The following CCNB1 variants were observed in gnomAD, a reference collection of about 807,000 sequenced individuals.
The protein encoded by CCNB1 is cyclin B1.
CCNB1 carries 26 observed loss-of-function variants against 44.4 expected under a neutral mutation model. That is an observed-to-expected ratio of 0.59 (90% CI 0.43 to 0.81). CCNB1 has a LOEUF of 0.81. Ranked by LOEUF, CCNB1 falls within the 40% of genes least tolerant of loss-of-function variation. CCNB1 has a pLI of 0.00. For missense variants in CCNB1, 477 were observed against 520.9 expected (o/e 0.92, Z 0.82); for synonymous variants, 195 against 181.4 (o/e 1.08, Z -0.60).
intron 4 of CCNB1, among the ~76,000 whole-genome samples, chr5:69,172,222 C>T (rs1747475961): frequency 6.6e-6 from 1 of 151,988 alleles, no homozygotes; most frequent in South Asian, 2.1e-4. Flanking sequence ...GGGTTGCAGG[C>T]ACACACCACC....
rs1429947907 is a variant in CCNB1, at chr5:69,174,162, T to C, written c.547-89T>C. The C allele has an allele frequency of 4.6e-6, 5 of 1,089,274 alleles. No homozygotes were observed. In the African/African-American group the frequency reaches 6.3e-5, roughly 14 times the overall value. 67.5% of individuals were successfully genotyped at this position (1,089,274 alleles called of 1,614,324 possible). ...CTGATATAGATTATAAATGCCCCAG[T>C]GCTACTGTAGGAACTAACTGATCTT... On this transcript the variant is annotated intron_variant, in intron 4 of 8. Transcript: ENST00000256442.
chr5:69,167,370 G>C, intron 1 of CCNB1, 87 bp downstream of exon 1: 1 of 1,510,204 alleles, frequency 6.6e-7, no homozygotes. Context: ...TCCCGAGCGG[G>C]AGAGGGCCGC....
In CCNB1 at chr5:69,174,099, T is replaced by G; in HGVS notation, c.547-152T>G. On this transcript the variant is annotated intron_variant, in intron 4 of 8. Transcript: ENST00000256442. ...TTTGCTTTATTTCTTGGTGATGGTG[T>G]TGTTTGTGGTTGACCATATGAATAA... is the stretch of plus-strand genomic sequence containing the variant. The G allele has an allele frequency of 4.8e-6, 3 of 618,884 alleles. No homozygotes were observed. In the South Asian group the frequency reaches 6.4e-5, roughly 13 times the overall value. 38.3% of individuals were successfully genotyped at this position (618,884 alleles called of 1,614,324 possible).
chr5:69,174,974 A>G lies in CCNB1; in HGVS notation c.803A>G (p.Asp268Gly). 1 of 1,614,162 alleles carries G rather than the reference A, an allele frequency of 6.2e-7. No homozygotes were observed. Among genetic ancestry groups the G allele is most frequent in the Non-Finnish European group, 8.5e-7 (1 of 1,180,020 alleles). ...GAAATGTACCCTCCAGAAATTGGTG[A>G]CTTTGCTTTTGTGACTGACAACACT... ...YEEMYPPEIG[D>G]FAFVTDNTYT... is the part of the protein sequence containing the mutation. Residue 268 changes from aspartate to glycine, a missense_variant, in exon 6 of 9, where the codon GAC becomes GGC. Coordinates refer to ENST00000256442, the MANE Select transcript of CCNB1 (RefSeq NM_031966.4).
intron 4 of CCNB1, among the ~76,000 whole-genome samples, chr5:69,173,037 T>C (rs575174927): frequency 6.6e-6 from 1 of 152,284 alleles, no homozygotes; most frequent in Admixed American, 6.5e-5. Flanking sequence ...CCTCCCAAAG[T>C]GCTGGGATTA....
chr5:69,173,944 ATT>A (rs8192267), intron 4 of CCNB1, among the ~76,000 whole-genome samples: 3,786 of 151,916 alleles, frequency 0.025, 161 homozygotes, highest in African/African-American at 0.085. Flanking sequence ...TAATTTTTGT[ATT>A]TTTAGTAAAG....
At position 69,177,367 on chromosome 5, in the gene CCNB1, C is replaced by A; in HGVS notation, c.1194+18C>A. On this transcript the variant is annotated intron_variant, in intron 8 of 8. Coordinates refer to ENST00000256442, the MANE Select transcript of CCNB1 (RefSeq NM_031966.4). ...AGCACATGGTGAGTCAATATAGTGG[C>A]ATTGTAAGATGCTGAAAAGTGTAAT... 1 of 1,491,634 alleles carries A rather than the reference C, an allele frequency of 6.7e-7. No individual in the cohort carries two copies. Among genetic ancestry groups the A allele is most frequent in the Non-Finnish European group, 9.3e-7 (1 of 1,070,342 alleles). 92.4% of individuals were successfully genotyped at this position (1,491,634 alleles called of 1,614,324 possible). A position where few individuals can be genotyped will look rare whatever the true frequency, so the allele number is the denominator to read the frequency against.
intron 1 of CCNB1, chr5:69,167,614 A>G (rs1342352587): frequency 4.0e-6 from 2 of 502,078 alleles, no homozygotes; most frequent in African/African-American, 2.0e-5. Context: ...CCCCCTTCCC[A>G]GAGAGAAGGT....
chr5:69,177,269 A>G lies in CCNB1; in HGVS notation c.1114A>G (p.Thr372Ala). ...AACTCTACAACATTACCTGTCATAT[A>G]CTGAAGAATCTCTTCTTCCAGTTAT... ...TPTLQHYLSY[T>A]EESLLPVMQH... The change falls in exon 8 of 9, where the codon ACT (threonine) becomes GCT (alanine). Residue 372 changes from threonine (T) to alanine (A), a missense_variant. Physicochemically the swap from Thr to Ala is moderately conservative, Grantham distance 58 (BLOSUM62 0). Coordinates refer to ENST00000256442, the MANE Select transcript of CCNB1 (RefSeq NM_031966.4). The G allele has an allele frequency of 6.2e-7, 1 of 1,610,594 alleles. No individual in the cohort carries two copies. Among genetic ancestry groups the G allele is most frequent in the Non-Finnish European group, 8.5e-7 (1 of 1,176,812 alleles).
In CCNB1 at chr5:69,174,352, C is replaced by T; in HGVS notation, c.648C>T (p.Phe216=). Reference sequence around the variant, plus strand: ...GGCTAGTACAGGTTCAAATGAAATTCAGGTTGTTGCAGGAGACCATGTACA... The same window carrying T: ...GGCTAGTACAGGTTCAAATGAAATTTAGGTTGTTGCAGGAGACCATGTACA... The part of the protein sequence containing the change: ...IDWLVQVQMK[F]RLLQETMYMT... The change falls in exon 5 of 9, where the codon TTC becomes TTT. Residue 216 remains phenylalanine (F), a synonymous_variant. Coordinates refer to ENST00000256442, the MANE Select transcript of CCNB1 (RefSeq NM_031966.4). The T allele has an allele frequency of 6.2e-7, 1 of 1,614,064 alleles. No homozygotes were observed. Among genetic ancestry groups the T allele is most frequent in the Non-Finnish European group, 8.5e-7 (1 of 1,179,942 alleles).
At chr5:69,173,587 A>G (rs1356237875) in intron 4 of CCNB1, among the ~76,000 whole-genome samples, 3 of 152,124 alleles carry the variant, frequency 2.0e-5, no homozygotes, top group African/African-American at 7.2e-5. Context: ...GGAGTTACTG[A>G]TATTTTCTCT....
chr5:69,169,008 T>G (rs1282206009), intron 3 of CCNB1, among the ~76,000 whole-genome samples: 2 of 152,172 alleles, frequency 1.3e-5, no homozygotes, highest in Non-Finnish European at 2.9e-5. Context: ...TTGATGAAAT[T>G]GCAATGAACT....
chr5:69,175,453 C>G lies in CCNB1; in HGVS notation c.999C>G (p.Asp333Glu). Residue 333 changes from aspartate (D) to glutamate (E), a missense_variant, in exon 7 of 9, where the codon GAC becomes GAG. Physicochemically the swap from Asp to Glu is conservative, Grantham distance 45. Coordinates refer to ENST00000256442, the MANE Select transcript of CCNB1 (RefSeq NM_031966.4). ...AKYLMELTML[D>E]YDMVHFPPSQ... Reference sequence around the variant, plus strand: ...ACCTGATGGAACTAACTATGTTGGACTATGACATGGTGCACTTTCCTCCTT... The same window carrying G: ...ACCTGATGGAACTAACTATGTTGGAGTATGACATGGTGCACTTTCCTCCTT... 6.2e-7 allele frequency: 1 copy of G among 1,614,020 alleles called. No individual in the cohort carries two copies. The highest frequency in any genetic ancestry group is 2.2e-5 in the East Asian group (1 of 44,868).
chr5:69,169,821 T>G lies in CCNB1; in HGVS notation c.364-1449T>G, dbSNP rs554488880. On this transcript the variant is annotated intron_variant, in intron 3 of 8. Coordinates refer to ENST00000256442, the MANE Select transcript of CCNB1 (RefSeq NM_031966.4). ...CACATGCCACCATGCTTGGCTAATT[T>G]TTGTATTTTTAGTAGAGACGGGGTT... Among the ~76,000 whole-genome samples, 386 of 152,254 alleles carry G rather than the reference T, an allele frequency of 2.5e-3. 2 individuals are homozygous for G. The highest frequency in any genetic ancestry group is 8.7e-3 in the African/African-American group (363 of 41,562).
rs1257174537 is a variant in CCNB1 at position 69,168,371 on chromosome 5, C to T, written c.363+28C>T. The T allele has an allele frequency of 3.1e-6, 5 of 1,612,636 alleles. No homozygotes were observed. In the African/African-American group the frequency reaches 4.0e-5, roughly 13 times the overall value. ...AAACTTATTCTTACCATTGTAGAGT[C>T]TGTTGATTATTTCTTGTCCCTTATT... On this transcript the variant is annotated intron_variant, in intron 3 of 8. Coordinates refer to ENST00000256442, the MANE Select transcript of CCNB1 (RefSeq NM_031966.4).
intron 6 of CCNB1, 21 bp downstream of exon 6, chr5:69,175,134 C>A: frequency 6.5e-7 from 1 of 1,534,904 alleles, no homozygotes. Context: ...CTTGAGAAAC[C>A]TCTCCGTATG....
intron 3 of CCNB1, among the ~76,000 whole-genome samples, chr5:69,168,717 A>T (rs163444): frequency 1.6e-4 from 25 of 151,966 alleles, no homozygotes; most frequent in African/African-American, 5.8e-4. Context: ...AGGCTTTGTT[A>T]TCCAACTACA....
intron 8 of CCNB1, 51 bp from the exon 9 acceptor site, chr5:69,177,473 T>A (rs753119788): frequency 1.5e-6 from 2 of 1,321,390 alleles, no homozygotes; most frequent in African/African-American, 3.0e-5. Context: ...TCATTGCATC[T>A]TGTGATTTTT....
At chr5:69,177,093 G>A in intron 7 of CCNB1, 146 bp from the exon 8 acceptor site, 1 of 507,286 alleles carries the variant, frequency 2.0e-6, no homozygotes, top group Non-Finnish European at 3.5e-6. Flanking sequence ...ACCTAGGAAA[G>A]GAGTCTTTAG....
Sources: allele counts gnomAD v4.1 joint callset (sites outside exome capture counted in the v4.1 genomes callset), GRCh38; gene constraint gnomAD v4.1.1; transcripts MANE v1.5; gene names NCBI Gene and HGNC (gene_info 2026-07-23, HGNC 2026-07-21).